Variants in SPMAP2L observed in about 807,000 individuals in gnomAD.
The protein encoded by SPMAP2L is sperm microtubule associated protein 2 like.
At chr4:56,608,085 T>C in the SPMAP2L span, among the ~76,000 whole-genome samples, 30 of 150,098 alleles carry the variant, frequency 2.0e-4, no homozygotes, top group African/African-American at 6.8e-4. Context: ...AGGAACAAGA[T>C]AGTGGAAACT....
At chr4:56,622,125 T>C in the SPMAP2L span, among the ~76,000 whole-genome samples, 4 of 152,224 alleles carry the variant, frequency 2.6e-5, no homozygotes, top group African/African-American at 9.6e-5. Flanking sequence ...TATTTTTTGC[T>C]AAATTTTTCT....
At chr4:56,603,420 C>T in the SPMAP2L span, 1 of 746,258 alleles carries the variant, frequency 1.3e-6, no homozygotes, top group Non-Finnish European at 2.0e-6. Context: ...TTACATTCAC[C>T]CCTTGCTTCC....
At chr4:56,602,453 G>A in the SPMAP2L span, among the ~76,000 whole-genome samples, 1 of 152,196 alleles carries the variant, frequency 6.6e-6, no homozygotes, top group Non-Finnish European at 1.5e-5. Context: ...AGCAGTTTGG[G>A]AGGCCAAAGC....
the SPMAP2L span, among the ~76,000 whole-genome samples, chr4:56,589,080 C>A: frequency 6.6e-6 from 1 of 152,082 alleles, no homozygotes; most frequent in African/African-American, 2.4e-5. Flanking sequence ...TCTCCGCCTC[C>A]CAGGTTCAAG....
the SPMAP2L span, among the ~76,000 whole-genome samples, chr4:56,586,632 T>A: frequency 6.6e-6 from 1 of 152,134 alleles, no homozygotes; most frequent in East Asian, 1.9e-4. Flanking sequence ...TCTGTAGGAG[T>A]TCCTTCATAT....
At chr4:56,586,911 A>AG in the SPMAP2L span, among the ~76,000 whole-genome samples, 18 of 152,110 alleles carry the variant, frequency 1.2e-4, no homozygotes, top group Non-Finnish European at 1.0e-4. Context: ...AGGCACTTAA[A>AG]AAAAACTGCC....
At chr4:56,580,534 T>G in the SPMAP2L span, among the ~76,000 whole-genome samples, 1 of 152,068 alleles carries the variant, frequency 6.6e-6, no homozygotes. Context: ...GGTGAAAGAC[T>G]GAACGCTTTA....
chr4:56,551,320 T>C, the SPMAP2L span, among the ~76,000 whole-genome samples: 1 of 152,160 alleles, frequency 6.6e-6, no homozygotes, highest in African/African-American at 2.4e-5. Context: ...GACATCTGTT[T>C]GATAGGTTTG....
At chr4:56,579,816 G>A in the SPMAP2L span, among the ~76,000 whole-genome samples, 1 of 152,138 alleles carries the variant, frequency 6.6e-6, no homozygotes, top group East Asian at 1.9e-4. Context: ...ACAAATAAAA[G>A]CCAGCAAATG....
At chr4:56,547,329 T>G in the SPMAP2L span, among the ~76,000 whole-genome samples, 44 of 148,208 alleles carry the variant, frequency 3.0e-4, no homozygotes, top group African/African-American at 1.1e-3. Flanking sequence ...CACTGCAACC[T>G]CCGCCTCCCA....
the SPMAP2L span, among the ~76,000 whole-genome samples, chr4:56,573,425 T>G: frequency 6.6e-6 from 1 of 152,166 alleles, no homozygotes; most frequent in African/African-American, 2.4e-5. Context: ...AGCAGTTGTC[T>G]CTGGTGTCTT....
the SPMAP2L span, among the ~76,000 whole-genome samples, chr4:56,613,283 G>A: frequency 6.6e-6 from 1 of 152,096 alleles, no homozygotes; most frequent in Non-Finnish European, 1.5e-5. Flanking sequence ...AGCTGCATGC[G>A]TCTGCCTGCC....
the SPMAP2L span, among the ~76,000 whole-genome samples, chr4:56,608,100 A>C: frequency 1.4e-4 from 21 of 152,174 alleles, no homozygotes; most frequent in African/African-American, 4.8e-4. Flanking sequence ...GAAACTACAG[A>C]AGTAAGTTAA....
At chr4:56,594,165 A>G in the SPMAP2L span, 3 of 1,612,646 alleles carry the variant, frequency 1.9e-6, no homozygotes, top group Admixed American at 5.0e-5. Flanking sequence ...AGCATGGGAG[A>G]GGAGTGCAGA....
the SPMAP2L span, among the ~76,000 whole-genome samples, chr4:56,581,300 C>T: frequency 2.6e-5 from 4 of 151,942 alleles, no homozygotes; most frequent in Non-Finnish European, 4.4e-5. Flanking sequence ...ACTAAAAATA[C>T]AAAAATTAGC....
the SPMAP2L span, among the ~76,000 whole-genome samples, chr4:56,618,678 CA>C: frequency 1.3e-5 from 2 of 152,172 alleles, no homozygotes; most frequent in Non-Finnish European, 2.9e-5. Flanking sequence ...TCCCACCACA[CA>C]GGGGGATTAT....
chr4:56,579,938 T>A, the SPMAP2L span, among the ~76,000 whole-genome samples: 1 of 152,158 alleles, frequency 6.6e-6, no homozygotes, highest in African/African-American at 2.4e-5. Context: ...ATTGAATTAA[T>A]AAAAAGCTTC....
the SPMAP2L span, among the ~76,000 whole-genome samples, chr4:56,614,363 C>T: frequency 6.6e-6 from 1 of 152,010 alleles, no homozygotes; most frequent in African/African-American, 2.4e-5. Flanking sequence ...GTTTTGAGTT[C>T]TCTGATCTTG....
the SPMAP2L span, among the ~76,000 whole-genome samples, chr4:56,578,499 T>C: frequency 1.6e-3 from 242 of 152,210 alleles, 2 homozygotes; most frequent in Middle Eastern, 0.014. Context: ...GGTAATTACA[T>C]TAAATGTACA....
Sources: gnomAD v4.1 joint callset for allele counts (sites outside exome capture counted in the v4.1 genomes callset) on GRCh38, gnomAD v4.1.1 for gene constraint, MANE v1.5 for transcripts, NCBI Gene and HGNC (gene_info 2026-07-23, HGNC 2026-07-21) for gene names.